MUTYH: variants seen among roughly 807,000 people sequenced by gnomAD.
MUTYH encodes mutY DNA glycosylase.
Under a neutral mutation model 72.9 loss-of-function variants are expected in MUTYH, and 64 were observed. The observed-to-expected ratio is 0.88, with a 90% CI of 0.72 to 1.08. The LOEUF (loss-of-function observed/expected upper bound fraction) is 1.08. MUTYH is among the 50% of genes least tolerant of loss of function. The pLI, the probability that MUTYH is intolerant of heterozygous loss-of-function variation, is 0.00. For synonymous variants in MUTYH, 234 were observed against 263.1 expected (o/e 0.89, Z 1.07); for missense variants, 633 against 671.0 (o/e 0.94, Z 0.63).
At chr1:45,333,647 C>T (rs771752098) in intron 2 of MUTYH, 86 bp from the exon 3 acceptor site, 1 of 1,567,612 alleles carries the variant, frequency 6.4e-7, no homozygotes, top group Non-Finnish European at 8.6e-7. Flanking sequence ...TGGCAGTATG[C>T]TCCCACTTAG....
upstream of MUTYH, chr1:45,339,994 C>T (rs1307006679): frequency 5.9e-6 from 9 of 1,536,338 alleles, no homozygotes; most frequent in Non-Finnish European, 7.9e-6. Context: ...AGCTCTAGCG[C>T]GCCCGGCTTT....
At chr1:45,330,416 G>A (rs1644595348) in intron 15 of MUTYH, 100 bp downstream of exon 15, 2 of 1,308,540 alleles carry the variant, frequency 1.5e-6, no homozygotes, top group African/African-American at 2.9e-5. Context: ...GTGAAGCCTG[G>A]AGTGGAGAAT....
At position 45,332,461 on chromosome 1, in the gene MUTYH, C is replaced by T. The variant is rs774237159; in HGVS notation, c.634G>A (p.Ala212Thr). The change falls in exon 9 of 16, where the codon GCA (alanine) becomes ACA (threonine). Residue 212 changes from alanine (A) to threonine (T), a missense_variant. By Grantham distance (58) the Ala-to-Thr change is moderately conservative. Coordinates refer to ENST00000456914, the MANE Select transcript of MUTYH (RefSeq NM_001048174.2). ...QATGVVDGNV[A>T]RVLCRVRAIG... ...GCTCGGACACGGCACAGCACCCGTGCTACGTTGCCATCCACCACACCGGTT... is the reference window on the plus strand; with the variant it reads ...GCTCGGACACGGCACAGCACCCGTGTTACGTTGCCATCCACCACACCGGTT... 9.9e-6 allele frequency: 16 copies of T among 1,614,010 alleles called. No homozygotes were observed. The highest frequency in any genetic ancestry group is 1.3e-5 in the Non-Finnish European group (15 of 1,180,006).
chr1:45,331,225 T>G lies in MUTYH; in HGVS notation c.1349A>C (p.Gln450Pro). ...TVPPGARWLT[Q>P]EEFHTAAVST... is the part of the protein sequence containing the mutation. The stretch of plus-strand genomic sequence containing the variant: ...AACAGCTGCGGTGTGAAATTCCTCC[T>G]GCGTCAGCCAGCGAGCACCTGGTGG... Residue 450 changes from glutamine (Q) to proline (P), a missense_variant, in exon 14 of 16, where the codon CAG becomes CCG. Physicochemically the swap from Gln to Pro is moderately conservative, Grantham distance 76. Transcript: ENST00000456914. 1 of 1,614,260 alleles carries G rather than the reference T, an allele frequency of 6.2e-7. No individual in the cohort carries two copies. The highest frequency in any genetic ancestry group is 1.6e-4 in the Middle Eastern group (1 of 6,062).
In MUTYH at chr1:45,332,671, C is replaced by T. The variant is rs1645156886; in HGVS notation, c.509G>A (p.Gly170Glu). Residue 170 changes from glycine to glutamate, a missense_variant, in exon 8 of 16, where the codon GGG becomes GAG. Coordinates refer to ENST00000456914, the MANE Select transcript of MUTYH (RefSeq NM_001048174.2). ...EGARKVVEEL[G>E]GHMPRTAETL... is the part of the protein sequence containing the mutation. ...CTCTGCTGTACGTGGCATGTGGCCC[C>T]CTAGCTCCTCTACCACCTGATTGGA... 1 of 1,614,148 alleles carries T rather than the reference C, an allele frequency of 6.2e-7. No homozygotes were observed. Among genetic ancestry groups the T allele is most frequent in the Non-Finnish European group, 8.5e-7 (1 of 1,180,004 alleles).
chr1:45,329,334 G>A lies in MUTYH; in HGVS notation c.1538C>T (p.Ala513Val), dbSNP rs751053826. ...CTGGGCTGCACTGTTGAGGCTGTGT[G>A]CATCAGTGGAGATGTGAGACCGAAA... ...NFFRSHISTD[A>V]HSLNSAAQ The change falls in exon 16 of 16, where the codon GCA (alanine) becomes GTA (valine). Residue 513 changes from alanine to valine, a missense_variant. By Grantham distance (64) the Ala-to-Val change is moderately conservative. Transcript: ENST00000456914. 1.5e-5 allele frequency: 25 copies of A among 1,614,080 alleles called. No homozygotes were observed. Among genetic ancestry groups the A allele is most frequent in the Non-Finnish European group, 2.0e-5 (24 of 1,180,032 alleles).
rs2149120230 is a variant in MUTYH, at chr1:45,331,497, G to A, written c.1162C>T (p.Gln388Ter). 1 of 1,614,160 alleles carries A rather than the reference G, an allele frequency of 6.2e-7. No homozygotes were observed. The highest frequency in any genetic ancestry group is 8.5e-7 in the Non-Finnish European group (1 of 1,180,038). ...SVTWEPSEQL[Q>*]RKALLQELQR... ...AGTTCCTGCAGCAGGGCCTTGCGCT[G>A]AAGCTGCTCTGAGGGCTCCCAGGTC... is the stretch of plus-strand genomic sequence containing the variant. Residue 388 changes from glutamine to a stop codon, truncating the protein, a stop_gained, in exon 13 of 16, where the codon CAG (glutamine) becomes TAG (stop). Coordinates refer to ENST00000456914, the MANE Select transcript of MUTYH (RefSeq NM_001048174.2). LOFTEE classifies it high-confidence loss of function.
intron 1 of MUTYH, 150 bp downstream of exon 1, chr1:45,339,749 T>A (rs1646665963): frequency 9.7e-7 from 1 of 1,026,680 alleles, no homozygotes. Flanking sequence ...GAGCTCTCCA[T>A]CCTCTCTGGG....
At position 45,329,242 on chromosome 1, in the gene MUTYH, T is replaced by C; in HGVS notation, c.*64A>G. Reference sequence around the variant, plus strand: ...CATCTCAAAAAAATACAACATAAAATAACTACAAAAATAAGCACTTTACTA... The same window carrying C: ...CATCTCAAAAAAATACAACATAAAACAACTACAAAAATAAGCACTTTACTA... On this transcript the variant is annotated 3_prime_UTR_variant, in exon 16 of 16. Transcript: ENST00000456914. 1 of 1,607,282 alleles carries C rather than the reference T, an allele frequency of 6.2e-7. No individual in the cohort carries two copies. The highest frequency in any genetic ancestry group is 2.2e-5 in the East Asian group (1 of 44,848).
chr1:45,337,353 T>A (rs1170988518), intron 1 of MUTYH, among the ~76,000 whole-genome samples: 1 of 152,046 alleles, frequency 6.6e-6, no homozygotes, highest in Non-Finnish European at 1.5e-5. Flanking sequence ...AGACAGGGTT[T>A]CACCATGTTG....
rs199959428 is a variant in MUTYH, at chr1:45,332,005, G to A, written c.913+18C>T. 1 of 1,614,188 alleles carries A rather than the reference G, an allele frequency of 6.2e-7. No homozygotes were observed. The highest frequency in any genetic ancestry group is 8.5e-7 in the Non-Finnish European group (1 of 1,180,022). ...TGGGCCAGGAAGGGTTGGGGTGGGG[G>A]CTAGGTTTGGTGCTCACCACACTCC... On this transcript the variant is annotated intron_variant, in intron 11 of 15. Transcript: ENST00000456914.
chr1:45,337,242 C>G (rs992887378), intron 1 of MUTYH, among the ~76,000 whole-genome samples: 2 of 151,398 alleles, frequency 1.3e-5, no homozygotes, highest in East Asian at 1.9e-4. Context: ...TTCCTCGGCT[C>G]AAGCAATCCT....
chr1:45,329,640 A>T (rs940188682), intron 15 of MUTYH, among the ~76,000 whole-genome samples: 2 of 152,146 alleles, frequency 1.3e-5, no homozygotes, highest in Non-Finnish European at 2.9e-5. Flanking sequence ...AATTGTCCTA[A>T]AAATGCAAAT....
chr1:45,339,606 G>A, intron 1 of MUTYH: 1 of 348,252 alleles, frequency 2.9e-6, no homozygotes. Flanking sequence ...CATACTGCCA[G>A]CCTTAATTCA....
chr1:45,333,240 A>C, intron 4 of MUTYH, 45 bp downstream of exon 4: 1 of 1,614,090 alleles, frequency 6.2e-7, no homozygotes, highest in Non-Finnish European at 8.5e-7. Flanking sequence ...CCCAGACCCA[A>C]GGGCCTCGAG....
At chr1:45,337,926 A>G (rs770415619) in intron 1 of MUTYH, among the ~76,000 whole-genome samples, 2 of 152,264 alleles carry the variant, frequency 1.3e-5, no homozygotes, top group African/African-American at 4.8e-5. Flanking sequence ...GATAAATATT[A>G]GCATAAAAAG....
In MUTYH at chr1:45,332,464, C is replaced by T. The variant is rs759295912; in HGVS notation, c.631G>A (p.Val211Ile). The T allele has an allele frequency of 1.2e-5, 19 of 1,614,012 alleles. No individual in the cohort carries two copies. Among genetic ancestry groups the T allele is most frequent in the Middle Eastern group, 1.6e-4 (1 of 6,084 alleles). The stretch of plus-strand genomic sequence containing the variant: ...CGGACACGGCACAGCACCCGTGCTA[C>T]GTTGCCATCCACCACACCGGTTGCC... Reference protein sequence around the residue: ...GQATGVVDGNVARVLCRVRAI... With the variant: ...GQATGVVDGNIARVLCRVRAI... The change falls in exon 9 of 16, where the codon GTA becomes ATA. Residue 211 changes from valine to isoleucine, a missense_variant. Coordinates refer to ENST00000456914, the MANE Select transcript of MUTYH (RefSeq NM_001048174.2).
intron 1 of MUTYH, among the ~76,000 whole-genome samples, chr1:45,339,114 T>C (rs1340872427): frequency 2.6e-5 from 4 of 151,064 alleles, no homozygotes; most frequent in Non-Finnish European, 4.4e-5. Context: ...AAGCTGAAGA[T>C]TAACTATAAA....
chr1:45,337,586 T>C (rs1031604903), intron 1 of MUTYH, among the ~76,000 whole-genome samples: 1 of 152,090 alleles, frequency 6.6e-6, no homozygotes, highest in African/African-American at 2.4e-5. Context: ...ATTAAATTCT[T>C]GAGCAAGCTG....
Sources: gnomAD v4.1 joint callset for allele counts (sites outside exome capture counted in the v4.1 genomes callset) on GRCh38, gnomAD v4.1.1 for gene constraint, MANE v1.5 for transcripts, NCBI Gene and HGNC (gene_info 2026-07-23, HGNC 2026-07-21) for gene names.